Variants in GALNTL6 observed in about 807,000 individuals in gnomAD.
The protein encoded by GALNTL6 is polypeptide N-acetylgalactosaminyltransferase-like 6.
GALNTL6 carries 46 observed loss-of-function variants against 73.7 expected under a neutral mutation model. The observed-to-expected ratio is 0.62, with a 90% CI of 0.49 to 0.80. The LOEUF is 0.80. GALNTL6 is among the 30% of genes least tolerant of loss of function. The pLI is 0.00. For synonymous variants in GALNTL6, 259 were observed against 263.7 expected (o/e 0.98, Z 0.17); for missense variants, 604 against 755.0 (o/e 0.80, Z 2.34).
intron 2 of GALNTL6, among the ~76,000 whole-genome samples, chr4:172,182,163 C>T (rs1418201036): frequency 6.6e-6 from 1 of 152,156 alleles, no homozygotes; most frequent in Admixed American, 6.5e-5. Flanking sequence ...TTCACAATTT[C>T]TACAAAGGGA....
At chr4:172,528,955 A>G (rs1338561889) in intron 5 of GALNTL6, among the ~76,000 whole-genome samples, 4 of 31,662 alleles carry the variant, frequency 1.3e-4, no homozygotes, top group Non-Finnish European at 2.2e-4. Flanking sequence ...CCAAAGGCAT[A>G]TATATATATG....
intron 2 of GALNTL6, among the ~76,000 whole-genome samples, chr4:172,183,078 C>T (rs888512168): frequency 6.6e-6 from 1 of 152,142 alleles, no homozygotes; most frequent in African/African-American, 2.4e-5. Context: ...CATGTTGGGA[C>T]ATATTTAGTA....
intron 8 of GALNTL6, among the ~76,000 whole-genome samples, chr4:172,914,131 T>C (rs1747367834): frequency 6.6e-6 from 1 of 152,194 alleles, no homozygotes; most frequent in African/African-American, 2.4e-5. Flanking sequence ...ACCCAGAATT[T>C]CATATCCAGC....
intron 5 of GALNTL6, among the ~76,000 whole-genome samples, chr4:172,379,274 T>A (rs1303679820): frequency 1.3e-5 from 2 of 152,146 alleles, no homozygotes; most frequent in Non-Finnish European, 2.9e-5. Flanking sequence ...CTCACGCCTG[T>A]AATCCCAGCA....
At chr4:171,825,148 G>T (rs1271571662) in intron 2 of GALNTL6, among the ~76,000 whole-genome samples, 1 of 152,116 alleles carries the variant, frequency 6.6e-6, no homozygotes, top group Non-Finnish European at 1.5e-5. Context: ...CTCAAAGAAT[G>T]TCTTTAGGGC....
intron 2 of GALNTL6, among the ~76,000 whole-genome samples, chr4:172,014,926 T>C (rs1741138095): frequency 6.6e-6 from 1 of 152,106 alleles, no homozygotes; most frequent in African/African-American, 2.4e-5. Flanking sequence ...CTTGATATAA[T>C]TTTGACTTTT....
At chr4:172,121,636 T>C (rs1172637048) in intron 2 of GALNTL6, among the ~76,000 whole-genome samples, 1 of 152,162 alleles carries the variant, frequency 6.6e-6, no homozygotes, top group African/African-American at 2.4e-5. Flanking sequence ...CAAAACTTTC[T>C]TATCTACATT....
At chr4:172,301,603 G>T (rs887453962) in intron 3 of GALNTL6, among the ~76,000 whole-genome samples, 4 of 152,170 alleles carry the variant, frequency 2.6e-5, no homozygotes, top group African/African-American at 9.7e-5. Flanking sequence ...ACCCTCAGCT[G>T]CAGGTCTGTT....
chr4:172,760,030 G>A (rs967902172), intron 5 of GALNTL6, among the ~76,000 whole-genome samples: 1 of 150,888 alleles, frequency 6.6e-6, no homozygotes, highest in Non-Finnish European at 1.5e-5. Flanking sequence ...TAGAGACGGG[G>A]TTTCACCTTG....
At chr4:172,160,665 T>G (rs1052165893) in intron 2 of GALNTL6, among the ~76,000 whole-genome samples, 2 of 151,918 alleles carry the variant, frequency 1.3e-5, no homozygotes, top group African/African-American at 4.8e-5. Context: ...CTAAGAGAAA[T>G]GTGGTCCCGA....
chr4:172,916,694 T>G lies in GALNTL6; in HGVS notation c.1042-14467T>G, dbSNP rs192943209. ...ACCTAGGAATCGAACTTACAAGGGA[T>G]GTGAAGAACCGTTTCAAGGAGAACT... is the stretch of plus-strand genomic sequence containing the variant. On this transcript the variant is annotated intron_variant, in intron 8 of 12. Coordinates refer to ENST00000506823, the MANE Select transcript of GALNTL6 (RefSeq NM_001034845.3). Among the ~76,000 whole-genome samples, 150 of 152,258 alleles carry G rather than the reference T, an allele frequency of 9.9e-4. 1 individual carries two copies. Among genetic ancestry groups the G allele is most frequent in the African/African-American group, 3.5e-3 (145 of 41,538 alleles).
intron 5 of GALNTL6, among the ~76,000 whole-genome samples, chr4:172,429,968 A>G (rs1396876466): frequency 6.6e-6 from 1 of 152,122 alleles, no homozygotes; most frequent in Admixed American, 6.5e-5. Context: ...CAGTTTTCTC[A>G]ATAAGTGAGG....
chr4:172,469,495 T>C (rs1031167043), intron 5 of GALNTL6, among the ~76,000 whole-genome samples: 4 of 151,810 alleles, frequency 2.6e-5, no homozygotes, highest in African/African-American at 9.7e-5. Flanking sequence ...ACTTCCAAAC[T>C]ATCAAAGCAG....
At chr4:172,821,236 C>T (rs1432545576) in intron 7 of GALNTL6, among the ~76,000 whole-genome samples, 3 of 152,268 alleles carry the variant, frequency 2.0e-5, no homozygotes, top group Non-Finnish European at 4.4e-5. Flanking sequence ...AATGAAGGGA[C>T]TATCGTGATG....
intron 8 of GALNTL6, among the ~76,000 whole-genome samples, chr4:172,919,086 A>G (rs1157575901): frequency 6.6e-6 from 1 of 152,228 alleles, no homozygotes; most frequent in Non-Finnish European, 1.5e-5. Context: ...CTTGTTCTAA[A>G]GTGCACCCTT....
At chr4:172,761,696 T>TC (rs55956612) in intron 5 of GALNTL6, among the ~76,000 whole-genome samples, 29 of 151,940 alleles carry the variant, frequency 1.9e-4, no homozygotes, top group Admixed American at 9.2e-4. Flanking sequence ...TCTCTCTCTC[T>TC]TTCTCTCTCT....
At chr4:172,245,145 T>C (rs1000612040) in intron 3 of GALNTL6, among the ~76,000 whole-genome samples, 8 of 152,184 alleles carry the variant, frequency 5.3e-5, no homozygotes, top group Non-Finnish European at 1.0e-4. Context: ...CTACCATTCA[T>C]TTTCCTCAGG....
At chr4:172,187,915 C>A (rs72700992) in intron 2 of GALNTL6, among the ~76,000 whole-genome samples, 9,805 of 152,106 alleles carry the variant, frequency 0.064, 518 homozygotes, top group African/African-American at 0.15. Context: ...CACCAAGACA[C>A]AATGTCAAGT....
intron 2 of GALNTL6, among the ~76,000 whole-genome samples, chr4:171,990,170 C>G (rs189494400): frequency 1.3e-5 from 2 of 152,128 alleles, no homozygotes; most frequent in African/African-American, 4.8e-5. Context: ...CTTACCCAGA[C>G]AGTAAATTTA....
Sources: gnomAD v4.1 joint callset for allele counts (sites outside exome capture counted in the v4.1 genomes callset) on GRCh38, gnomAD v4.1.1 for gene constraint, MANE v1.5 for transcripts, NCBI Gene and HGNC (gene_info 2026-07-23, HGNC 2026-07-21) for gene names.